WWOX: variants seen among roughly 807,000 people sequenced by gnomAD.
WWOX encodes the protein WW domain containing oxidoreductase, also known as WW domain-containing oxidoreductase.
In WWOX, 69 loss-of-function variants were observed where a neutral mutation model predicts 46.2. The ratio of observed to expected loss-of-function variants is 1.49; its 90% CI spans 1.23 to 1.82. WWOX has a LOEUF of 1.82. Among genes scored for constraint, WWOX ranks in the 40% most tolerant of loss-of-function variants. The probability of loss-of-function intolerance (pLI) is 0.00; values close to 1 mark genes in which losing one functional copy is unlikely to be tolerated. For missense variants in WWOX, 919 were observed against 542.6 expected, an observed-to-expected ratio of 1.69 and a Z score of -6.89; for synonymous variants, 359 against 202.6, an observed-to-expected ratio of 1.77 and a Z score of -6.56.
intron 5 of WWOX, among the ~76,000 whole-genome samples, chr16:78,356,702 G>GA (rs2081300826): frequency 6.6e-6 from 1 of 152,170 alleles, no homozygotes; most frequent in African/African-American, 2.4e-5. Flanking sequence ...CCAGCATGGT[G>GA]AAACCCCGTC....
At chr16:78,397,463 C>T (rs1386734432) in intron 6 of WWOX, among the ~76,000 whole-genome samples, 5 of 152,166 alleles carry the variant, frequency 3.3e-5, no homozygotes, top group Non-Finnish European at 7.3e-5. Flanking sequence ...ATTTTACAGA[C>T]TAAGAAATTA....
chr16:79,157,612 T>C (rs2050406838), intron 8 of WWOX, among the ~76,000 whole-genome samples: 1 of 152,164 alleles, frequency 6.6e-6, no homozygotes, highest in Non-Finnish European at 1.5e-5. Context: ...TGTTTTAAAA[T>C]ACAGGTTTTA....
chr16:78,659,464 C>T (rs2047162237), intron 8 of WWOX, among the ~76,000 whole-genome samples: 1 of 152,098 alleles, frequency 6.6e-6, no homozygotes, highest in Non-Finnish European at 1.5e-5. Context: ...GAGTAGGGCT[C>T]AGCAATCTAG....
At chr16:78,170,788 C>A (rs2035131758) in intron 5 of WWOX, among the ~76,000 whole-genome samples, 1 of 152,204 alleles carries the variant, frequency 6.6e-6, no homozygotes, top group Non-Finnish European at 1.5e-5. Context: ...TCATCAGGAA[C>A]AGCAAGCAAT....
intron 8 of WWOX, among the ~76,000 whole-genome samples, chr16:78,504,235 T>C (rs1426649408): frequency 2.0e-5 from 3 of 152,214 alleles, no homozygotes; most frequent in African/African-American, 7.2e-5. Context: ...TAGGATATAT[T>C]AGGAAATGGC....
At chr16:78,471,838 A>T (rs1294018456) in intron 8 of WWOX, among the ~76,000 whole-genome samples, 1 of 152,240 alleles carries the variant, frequency 6.6e-6, no homozygotes, top group Non-Finnish European at 1.5e-5. Context: ...TTATGTACAC[A>T]TTAAATAAAC....
chr16:78,878,726 C>G (rs903056872), intron 8 of WWOX, among the ~76,000 whole-genome samples: 3 of 151,976 alleles, frequency 2.0e-5, no homozygotes, highest in Admixed American at 2.0e-4. Context: ...AGTAGTCTGG[C>G]TTCTATCCTG....
chr16:78,824,472 A>G (rs1257513343), intron 8 of WWOX, among the ~76,000 whole-genome samples: 1 of 152,270 alleles, frequency 6.6e-6, no homozygotes, highest in East Asian at 1.9e-4. Flanking sequence ...CTGGGGAGAA[A>G]CAAGCAAAGT....
intron 8 of WWOX, among the ~76,000 whole-genome samples, chr16:78,949,527 A>T (rs1026461048): frequency 6.6e-6 from 1 of 152,110 alleles, no homozygotes; most frequent in Non-Finnish European, 1.5e-5. Context: ...TCAGAGTCAT[A>T]CTCAGCCTAA....
At chr16:79,064,738 A>G (rs1163268317) in intron 8 of WWOX, among the ~76,000 whole-genome samples, 2 of 152,220 alleles carry the variant, frequency 1.3e-5, no homozygotes, top group African/African-American at 4.8e-5. Context: ...ATGGGCTACT[A>G]TTCCATGTGT....
chr16:79,070,868 G>C (rs750684750), intron 8 of WWOX, among the ~76,000 whole-genome samples: 1 of 152,168 alleles, frequency 6.6e-6, no homozygotes, highest in Non-Finnish European at 1.5e-5. Flanking sequence ...TGGGTGTGTT[G>C]ACTATATTCT....
At chr16:78,950,984 T>C (rs2046048317) in intron 8 of WWOX, among the ~76,000 whole-genome samples, 1 of 152,208 alleles carries the variant, frequency 6.6e-6, no homozygotes, top group South Asian at 2.1e-4. Flanking sequence ...CAACCGCCTC[T>C]CTTAATTCAC....
rs116304281 is a variant in WWOX, at chr16:78,520,028, C to A, written c.1056+87276C>A. Among the ~76,000 whole-genome samples the A allele has an allele frequency of 9.6e-3, 1,454 of 152,250 alleles. 33 individuals are homozygous for A. The highest frequency in any genetic ancestry group is 0.034 in the African/African-American group (1,399 of 41,542). ...TTCCACACTGAGAACATACTGTGAC[C>A]ATGCAGTCATTTCCCAGATGGAACT... On this transcript the variant is annotated intron_variant, in intron 8 of 8. Transcript: ENST00000566780.
chr16:78,934,293 G>A (rs531336239), intron 8 of WWOX, among the ~76,000 whole-genome samples: 116 of 140,120 alleles, frequency 8.3e-4, no homozygotes, highest in Non-Finnish European at 9.9e-4. Flanking sequence ...AGCCGAGATC[G>A]CACCACTGCA....
chr16:78,944,470 C>G (rs1437400036), intron 8 of WWOX, among the ~76,000 whole-genome samples: 1 of 152,130 alleles, frequency 6.6e-6, no homozygotes, highest in Non-Finnish European at 1.5e-5. Flanking sequence ...CTCTGAACAT[C>G]TTCTCTGACA....
chr16:78,626,433 T>A (rs2738573), intron 8 of WWOX, among the ~76,000 whole-genome samples: 5 of 152,026 alleles, frequency 3.3e-5, no homozygotes, highest in Non-Finnish European at 5.9e-5. Flanking sequence ...TGTAGGATGC[T>A]CCTGTGTTGG....
chr16:78,294,639 A>T (rs1467783605), intron 5 of WWOX, among the ~76,000 whole-genome samples: 1 of 142,056 alleles, frequency 7.0e-6, no homozygotes, highest in Non-Finnish European at 1.6e-5. Context: ...GATAGTCTAA[A>T]TACAGCTATC....
intron 8 of WWOX, among the ~76,000 whole-genome samples, chr16:78,744,422 C>CTTTTTTTTTTTTTTTT (rs976073233): frequency 1.2e-5 from 1 of 82,240 alleles, no homozygotes; most frequent in African/African-American, 6.1e-5. Context: ...GTCCACACTG[C>CTTTTTTTTTTTTTTTT]TTTTTTTTTT....
intron 8 of WWOX, among the ~76,000 whole-genome samples, chr16:78,901,134 A>G: frequency 6.6e-6 from 1 of 152,180 alleles, no homozygotes; most frequent in Admixed American, 6.5e-5. Context: ...TGGGATTCAG[A>G]GTCCATTTTC....
Sources: allele counts gnomAD v4.1 joint callset (sites outside exome capture counted in the v4.1 genomes callset), GRCh38; gene constraint gnomAD v4.1.1; transcripts MANE v1.5; gene names NCBI Gene and HGNC (gene_info 2026-07-23, HGNC 2026-07-21).